Variants in ANO6 observed in about 807,000 individuals in gnomAD.
The protein encoded by ANO6 is anoctamin 6, also known as anoctamin-6.
A neutral mutation model predicts 117.5 loss-of-function variants in ANO6; 106 were observed. The observed-to-expected ratio is 0.90, with a 90% CI of 0.77 to 1.06. ANO6 has a LOEUF of 1.06. ANO6 is among the 50% of genes least tolerant of loss of function. The pLI is 0.00. For synonymous variants in ANO6, 367 were observed against 385.1 expected (o/e 0.95, Z 0.55); for missense variants, 955 against 1,121.1 (o/e 0.85, Z 2.12).
chr12:45,366,121 T>G (rs1015644540), intron 8 of ANO6, among the ~76,000 whole-genome samples: 5 of 151,836 alleles, frequency 3.3e-5, no homozygotes, highest in African/African-American at 1.2e-4. Flanking sequence ...TTGGGTTTTT[T>G]TTTTTTTTTT....
chr12:45,282,359 G>A (rs1938768066), intron 1 of ANO6, among the ~76,000 whole-genome samples: 1 of 152,176 alleles, frequency 6.6e-6, no homozygotes. Flanking sequence ...AGAGGAGCAG[G>A]GCTTGGATGG....
At position 45,246,971 on chromosome 12, in the gene ANO6, G is replaced by A. The variant is rs142817848; in HGVS notation, c.70+30580G>A. On this transcript the variant is annotated intron_variant, in intron 1 of 19. Coordinates refer to ENST00000320560, the MANE Select transcript of ANO6 (RefSeq NM_001025356.3). ...TTTTGAGACAGAGTTTCGCTCTGTC[G>A]CCCAGGCTGGAGTGCAGTGGCGTGA... 1.7e-3 allele frequency among the ~76,000 whole-genome samples: 251 copies of A among 151,222 alleles called. 1 individual carries two copies. The highest frequency in any genetic ancestry group is 4.7e-3 in the East Asian group (24 of 5,120).
At chr12:45,347,682 A>C (rs993557845) in intron 4 of ANO6, among the ~76,000 whole-genome samples, 1 of 152,166 alleles carries the variant, frequency 6.6e-6, no homozygotes, top group African/African-American at 2.4e-5. Context: ...AAAATTTTTC[A>C]TTATGCTAGC....
intron 9 of ANO6, among the ~76,000 whole-genome samples, chr12:45,377,514 T>C (rs1268448437): frequency 1.1e-4 from 17 of 152,312 alleles, no homozygotes; most frequent in South Asian, 6.2e-4. Flanking sequence ...AAAGCCATCA[T>C]TGGGTTTAAG....
chr12:45,409,050 A>G (rs1015651828), intron 15 of ANO6, among the ~76,000 whole-genome samples: 2 of 152,218 alleles, frequency 1.3e-5, no homozygotes, highest in South Asian at 2.1e-4. Context: ...ATAAGGGGGA[A>G]ATGAAAAAAC....
intron 12 of ANO6, among the ~76,000 whole-genome samples, chr12:45,392,639 C>T (rs1487810506): frequency 6.6e-6 from 1 of 152,144 alleles, no homozygotes; most frequent in African/African-American, 2.4e-5. Context: ...CTCTCTGGGA[C>T]GAAGCTTCCA....
Position 45,216,332 on chromosome 12 carries a change from T to C in ANO6, c.11T>C (p.Met4Thr), listed in dbSNP as rs1947309604. The change falls in exon 1 of 20, where the codon ATG becomes ACG. Residue 4 changes from methionine (M) to threonine (T), a missense_variant. Coordinates refer to ENST00000320560, the MANE Select transcript of ANO6 (RefSeq NM_001025356.3). MKK[M>T]SRNVLLQMEE... ...CCTTCTGAGGGAGACATGAAAAAGATGAGCAGGAATGTTTTGCTACAAATG... is the reference window on the plus strand; with the variant it reads ...CCTTCTGAGGGAGACATGAAAAAGACGAGCAGGAATGTTTTGCTACAAATG... The C allele has an allele frequency of 1.9e-6, 3 of 1,612,262 alleles. No individual in the cohort carries two copies. Among genetic ancestry groups the C allele is most frequent in the Non-Finnish European group, 2.5e-6 (3 of 1,179,010 alleles).
At chr12:45,395,895 C>T (rs566437085) in intron 12 of ANO6, among the ~76,000 whole-genome samples, 21 of 152,144 alleles carry the variant, frequency 1.4e-4, no homozygotes, top group East Asian at 7.7e-4. Flanking sequence ...ATACTGAATG[C>T]GCAAAAACTG....
intron 8 of ANO6, among the ~76,000 whole-genome samples, chr12:45,364,358 G>GA (rs1442087453): frequency 6.6e-6 from 1 of 152,118 alleles, no homozygotes; most frequent in Non-Finnish European, 1.5e-5. Context: ...TTAAATGTAG[G>GA]AAGTTTTCAG....
chr12:45,270,538 C>T, intron 1 of ANO6: 1 of 955,836 alleles, frequency 1.0e-6, no homozygotes. Context: ...AGATCCCCTT[C>T]CTTTGTATTT....
At chr12:45,270,854 G>T (rs141161737) in intron 1 of ANO6, among the ~76,000 whole-genome samples, 319 of 152,148 alleles carry the variant, frequency 2.1e-3, no homozygotes, top group Middle Eastern at 0.01. Context: ...CAAGTAGCTG[G>T]AATTACAGGT....
intron 1 of ANO6, among the ~76,000 whole-genome samples, chr12:45,298,045 T>G (rs1251124012): frequency 6.6e-6 from 1 of 152,206 alleles, no homozygotes; most frequent in Non-Finnish European, 1.5e-5. Flanking sequence ...TTGAACCTGA[T>G]TTTGAACTGC....
intron 1 of ANO6, chr12:45,292,948 CCT>C (rs577836912): frequency 1.4e-4 from 221 of 1,551,222 alleles, no homozygotes; most frequent in Non-Finnish European, 1.5e-4. Flanking sequence ...AGAACATGTT[CCT>C]ATTTGGTGAG....
At position 45,348,252 on chromosome 12, in the gene ANO6, G is replaced by A; in HGVS notation, c.570G>A (p.Arg190=). 6.2e-7 allele frequency: 1 copy of A among 1,614,050 alleles called. No individual in the cohort carries two copies. Among genetic ancestry groups the A allele is most frequent in the Non-Finnish European group, 8.5e-7 (1 of 1,179,986 alleles). The change falls in exon 5 of 20, where the codon CGG becomes CGA. Residue 190 remains arginine, a synonymous_variant. Coordinates refer to ENST00000320560, the MANE Select transcript of ANO6 (RefSeq NM_001025356.3). The part of the protein sequence containing the change: ...EFFTAPFEKN[R]MNDFYIVDRD... ...TCACTGCCCCATTTGAGAAGAACCG[G>A]ATGAATGATTTTTACATAGTTGATA...
chr12:45,244,336 T>A (rs1047223623), intron 1 of ANO6, among the ~76,000 whole-genome samples: 5 of 147,608 alleles, frequency 3.4e-5, no homozygotes, highest in African/African-American at 1.2e-4. Context: ...AACAGGTAGA[T>A]GCTGGTTGTC....
At chr12:45,277,096 G>C (rs1053886526) in intron 1 of ANO6, among the ~76,000 whole-genome samples, 5 of 152,046 alleles carry the variant, frequency 3.3e-5, no homozygotes, top group Non-Finnish European at 7.4e-5. Flanking sequence ...TGATGCAGAA[G>C]TATTTAGCTC....
chr12:45,411,911 G>C (rs1269733228), intron 16 of ANO6, among the ~76,000 whole-genome samples: 1 of 152,132 alleles, frequency 6.6e-6, no homozygotes, highest in Non-Finnish European at 1.5e-5. Context: ...TCCTCTGCTA[G>C]AGCGCCAGTG....
intron 10 of ANO6, 61 bp downstream of exon 10, chr12:45,378,174 G>A (rs930953572): frequency 1.3e-6 from 2 of 1,509,978 alleles, no homozygotes; most frequent in Non-Finnish European, 1.8e-6. Flanking sequence ...TTTTATGTAG[G>A]CTATCAAAGT....
intron 1 of ANO6, among the ~76,000 whole-genome samples, chr12:45,235,694 A>G (rs1048700581): frequency 6.6e-6 from 1 of 152,160 alleles, no homozygotes; most frequent in African/African-American, 2.4e-5. Context: ...TCTTGTGCAA[A>G]AACAGCTTCA....
Sources: gnomAD v4.1 joint callset for allele counts (sites outside exome capture counted in the v4.1 genomes callset) on GRCh38, gnomAD v4.1.1 for gene constraint, MANE v1.5 for transcripts, NCBI Gene and HGNC (gene_info 2026-07-23, HGNC 2026-07-21) for gene names.